The following P2RX5 variants were observed in gnomAD, a reference collection of about 807,000 sequenced individuals.
The protein encoded by P2RX5 is purinergic receptor P2X 5.
P2RX5 carries 46 observed loss-of-function variants against 54.1 expected under a neutral mutation model. The observed-to-expected ratio is 0.85, with a 90% confidence interval of 0.67 to 1.09. P2RX5 has a LOEUF of 1.09. P2RX5 is among the 50% of genes least tolerant of loss of function. P2RX5 has a pLI of 0.00. For synonymous variants in P2RX5, 226 were observed against 226.4 expected (o/e 1.00, Z 0.02); for missense variants, 566 against 549.8 (o/e 1.03, Z -0.29).
chr17:3,697,414 G>A (rs1046224937), upstream of P2RX5, among the ~76,000 whole-genome samples: 9 of 152,160 alleles, frequency 5.9e-5, no homozygotes, highest in Non-Finnish European at 1.3e-4. Context: ...GGTGTGGTGA[G>A]GAGCTGCGCA....
upstream of P2RX5, among the ~76,000 whole-genome samples, chr17:3,699,873 GA>G (rs2050803897): frequency 3.6e-5 from 1 of 27,910 alleles, no homozygotes; most frequent in African/African-American, 6.4e-5. Context: ...AAGAAAGAAA[GA>G]AAGGAAGGAA....
At chr17:3,701,696 GAAAAAAAA>G in the P2RX5 span, among the ~76,000 whole-genome samples, 514 of 73,420 alleles carry the variant, frequency 7.0e-3, 5 homozygotes, top group African/African-American at 0.029. Flanking sequence ...CTCTGTCTCA[GAAAAAAAA>G]AAAAAAAAAA....
the P2RX5 span, among the ~76,000 whole-genome samples, chr17:3,702,733 C>G: frequency 1.3e-5 from 2 of 152,196 alleles, no homozygotes; most frequent in Non-Finnish European, 2.9e-5. Context: ...CCACGAGGGT[C>G]CATGGCTTCA....
At chr17:3,675,896 G>C (rs754986205) in intron 11 of P2RX5, 18 of 985,324 alleles carry the variant, frequency 1.8e-5, no homozygotes, top group Non-Finnish European at 2.2e-5. Flanking sequence ...CTTGTTGCAG[G>C]TTCCCTTCCC....
chr17:3,679,085 C>A (rs951017593), intron 11 of P2RX5, among the ~76,000 whole-genome samples: 1 of 152,178 alleles, frequency 6.6e-6, no homozygotes, highest in Non-Finnish European at 1.5e-5. Flanking sequence ...AGCACAGAGA[C>A]GTTCGGCAAA....
At chr17:3,707,829 C>A in the P2RX5 span, among the ~76,000 whole-genome samples, 1,575 of 152,100 alleles carry the variant, frequency 0.01, 14 homozygotes, top group Non-Finnish European at 0.016. Context: ...GAGGCCGAGG[C>A]AGGTGGATCA....
Position 3,690,540 on chromosome 17 carries a change from G to C in P2RX5, c.437-17C>G. 6.2e-7 allele frequency: 1 copy of C among 1,612,344 alleles called. No homozygotes were observed. The highest frequency in any genetic ancestry group is 1.6e-4 in the Middle Eastern group (1 of 6,062). ...TCTTCACTCCTGCAGGGGTGGGACA[G>C]GATCAATGCCAGGAGCCTCCCACTC... On this transcript the variant is annotated splice_polypyrimidine_tract_variant and intron_variant, in intron 4 of 11. Transcript: ENST00000225328.
the P2RX5 span, among the ~76,000 whole-genome samples, chr17:3,722,654 A>T: frequency 2.0e-5 from 3 of 152,214 alleles, no homozygotes; most frequent in Non-Finnish European, 4.4e-5. Flanking sequence ...TAACCCGATT[A>T]TAAAAGGGGC....
chr17:3,673,803 G>A lies in P2RX5; in HGVS notation c.*65C>T. On this transcript the variant is annotated 3_prime_UTR_variant, in exon 12 of 12. Coordinates refer to ENST00000225328, the MANE Select transcript of P2RX5 (RefSeq NM_002561.4). Reference sequence around the variant, plus strand: ...GGGCAGCATCCTGGGATTCCCAAAGGCATGGGATCACTGGGTGCTAGACGG... The same window carrying A: ...GGGCAGCATCCTGGGATTCCCAAAGACATGGGATCACTGGGTGCTAGACGG... 6.2e-7 allele frequency: 1 copy of A among 1,612,170 alleles called. No individual in the cohort carries two copies. The highest frequency in any genetic ancestry group is 8.5e-7 in the Non-Finnish European group (1 of 1,179,816).
At chr17:3,675,555 T>C in intron 11 of P2RX5, 3 of 984,026 alleles carry the variant, frequency 3.0e-6, no homozygotes, top group Non-Finnish European at 3.6e-6. Flanking sequence ...GGATCTTCAC[T>C]TTCTTTTTTT....
intron 2 of P2RX5, among the ~76,000 whole-genome samples, chr17:3,691,264 G>A (rs1329522093): frequency 6.6e-6 from 1 of 152,184 alleles, no homozygotes; most frequent in Non-Finnish European, 1.5e-5. Context: ...GGGAGAAGTG[G>A]GCGCAGGGCT....
the P2RX5 span, among the ~76,000 whole-genome samples, chr17:3,706,178 C>T: frequency 6.6e-6 from 1 of 152,084 alleles, no homozygotes; most frequent in Non-Finnish European, 1.5e-5. Flanking sequence ...CAGTCTCGAT[C>T]TCCTGACCCC....
At chr17:3,680,453 GAGT>G in intron 10 of P2RX5, among the ~76,000 whole-genome samples, 1 of 108,800 alleles carries the variant, frequency 9.2e-6, no homozygotes, top group Non-Finnish European at 1.8e-5. Context: ...CCTCCACCCT[GAGT>G]CCTCCACCCA....
chr17:3,679,447 C>T, intron 11 of P2RX5, 143 bp downstream of exon 11: 1 of 731,924 alleles, frequency 1.4e-6, no homozygotes, highest in Non-Finnish European at 2.3e-6. Flanking sequence ...AGAGGCTCTC[C>T]CAGTTCCTAG....
At chr17:3,716,735 C>T in the P2RX5 span, 30 of 1,612,104 alleles carry the variant, frequency 1.9e-5, no homozygotes, top group Non-Finnish European at 2.5e-5. Flanking sequence ...AGTCCACCAA[C>T]GCTGCCTTTA....
chr17:3,714,214 A>ATCATGCCCGGCCACAAT, the P2RX5 span, among the ~76,000 whole-genome samples: 1 of 150,772 alleles, frequency 6.6e-6, no homozygotes, highest in East Asian at 2.0e-4. Flanking sequence ...GGCGTGAGCC[A>ATCATGCCCGGCCACAAT]CCGCACCCCG....
At chr17:3,699,095 C>CACACACACACACACACACACACACA (rs60173844), upstream of P2RX5, among the ~76,000 whole-genome samples, 1 of 100,192 alleles carries the variant, frequency 1.0e-5, no homozygotes, top group Non-Finnish European at 1.9e-5. Context: ...ACACACACAC[C>CACACACACACACACACACACACACA]TATATATATA....
upstream of P2RX5, among the ~76,000 whole-genome samples, chr17:3,699,524 T>C (rs2143003047): frequency 1.3e-5 from 2 of 151,728 alleles, 1 homozygote; most frequent in African/African-American, 4.8e-5. Flanking sequence ...ATAGAAAATA[T>C]TGCCGGATGC....
chr17:3,678,205 C>T (rs1264321987), intron 11 of P2RX5: 1 of 553,454 alleles, frequency 1.8e-6, no homozygotes, highest in African/African-American at 2.0e-5. Flanking sequence ...GGGCCAGCCT[C>T]ACCAGAGGCA....
Sources: gnomAD v4.1 joint callset for allele counts (sites outside exome capture counted in the v4.1 genomes callset) on GRCh38, gnomAD v4.1.1 for gene constraint, MANE v1.5 for transcripts, NCBI Gene and HGNC (gene_info 2026-07-23, HGNC 2026-07-21) for gene names.